TBC1D32: variants seen among roughly 807,000 people sequenced by gnomAD.
The protein encoded by TBC1D32 is protein broad-minded.
In TBC1D32, 151 loss-of-function variants were observed where a neutral mutation model predicts 170.3. The observed-to-expected ratio is 0.89, with a 90% confidence interval of 0.78 to 1.01. The LOEUF (loss-of-function observed/expected upper bound fraction) is 1.01. Among genes scored for constraint, TBC1D32 ranks in the 50% least tolerant of loss-of-function variants. The probability of loss-of-function intolerance (pLI) is 0.00; values close to 1 mark genes in which losing one functional copy is unlikely to be tolerated. For missense variants in TBC1D32, 1,464 were observed against 1,457.1 expected, an observed-to-expected ratio of 1.00 and a Z score of -0.08; for synonymous variants, 498 against 488.0, an observed-to-expected ratio of 1.02 and a Z score of -0.27.
At chr6:121,091,195 G>T (rs1300746279) in intron 30 of TBC1D32, among the ~76,000 whole-genome samples, 154 bp from the exon 31 acceptor site, 3 of 152,136 alleles carry the variant, frequency 2.0e-5, no homozygotes, top group Non-Finnish European at 4.4e-5. Context: ...TAAAAAGGAT[G>T]CTTCTCCTAT....
intron 21 of TBC1D32, among the ~76,000 whole-genome samples, chr6:121,222,016 A>AT (rs1415339117): frequency 2.6e-5 from 4 of 152,230 alleles, no homozygotes; most frequent in Admixed American, 2.6e-4. Context: ...CTGTTCTCTT[A>AT]TTTTCAGAAA....
chr6:121,210,573 C>T (rs1411179036), intron 21 of TBC1D32, among the ~76,000 whole-genome samples: 1 of 152,116 alleles, frequency 6.6e-6, no homozygotes, highest in African/African-American at 2.4e-5. Context: ...TCGAAAATGG[C>T]CCTCAAGATT....
At chr6:121,187,800 G>C (rs1789400867) in intron 22 of TBC1D32, among the ~76,000 whole-genome samples, 1 of 147,784 alleles carries the variant, frequency 6.8e-6, no homozygotes, top group African/African-American at 2.5e-5. Context: ...TGGAACAAAA[G>C]AATGTGATAA....
At chr6:121,225,285 G>T (rs1196513841) in intron 20 of TBC1D32, among the ~76,000 whole-genome samples, 1 of 151,818 alleles carries the variant, frequency 6.6e-6, no homozygotes, top group Non-Finnish European at 1.5e-5. Context: ...GAACACAGAT[G>T]AACCAAAAAA....
chr6:121,126,296 T>G (rs1048108873), intron 26 of TBC1D32, 82 bp downstream of exon 26: 1 of 1,013,430 alleles, frequency 9.9e-7, no homozygotes, highest in Admixed American at 2.3e-5. Flanking sequence ...AAACTGCCTA[T>G]CTGTAATATC....
Position 121,321,758 on chromosome 6 carries a change from G to C in TBC1D32, c.192C>G (p.Gly64=). The change falls in exon 2 of 32, where the codon GGC becomes GGG. Residue 64 remains glycine (G), a synonymous_variant. Transcript: ENST00000398212. The part of the protein sequence containing the change: ...EFVKYLRQHI[G]NTLGSMIEEE... ...CTTCAATCATAGAACCCAAAGTGTT[G>C]CCTATATGCTGCCTGAGGTATTTCA... 6.2e-7 allele frequency: 1 copy of C among 1,613,376 alleles called. No homozygotes were observed. Among genetic ancestry groups the C allele is most frequent in the East Asian group, 2.2e-5 (1 of 44,840 alleles).
At chr6:121,213,995 T>A (rs1410287035) in intron 21 of TBC1D32, among the ~76,000 whole-genome samples, 1 of 152,106 alleles carries the variant, frequency 6.6e-6, no homozygotes, top group Non-Finnish European at 1.5e-5. Flanking sequence ...CTTACAACTA[T>A]CTGATCATCA....
rs1187577317 is a variant in TBC1D32, at chr6:121,238,481, G to A, written c.2364+589C>T. On this transcript the variant is annotated intron_variant, in intron 20 of 31. Transcript: ENST00000398212. ...TTTAAGCAATCTTATGACATCTTTTGAATAAAAATTGTCTAAGCTACCATA... is the reference window on the plus strand; with the variant it reads ...TTTAAGCAATCTTATGACATCTTTTAAATAAAAATTGTCTAAGCTACCATA... Among the ~76,000 whole-genome samples, 9 of 152,044 alleles carry A rather than the reference G, an allele frequency of 5.9e-5. No homozygotes were observed. In the South Asian group the frequency reaches 1.7e-3, roughly 28 times the overall value.
At chr6:121,110,281 A>T (rs113227594) in intron 29 of TBC1D32, among the ~76,000 whole-genome samples, 37 of 149,430 alleles carry the variant, frequency 2.5e-4, no homozygotes, top group Middle Eastern at 3.5e-3. Flanking sequence ...TATATATATA[A>T]AAATATATAA....
intron 5 of TBC1D32, 132 bp from the exon 6 acceptor site, chr6:121,304,965 A>G (rs1807102655): frequency 1.2e-5 from 8 of 650,302 alleles, no homozygotes; most frequent in Non-Finnish European, 2.1e-5. Context: ...TAGAGTCAGA[A>G]TGTACTTATT....
intron 20 of TBC1D32, among the ~76,000 whole-genome samples, chr6:121,227,826 A>G (rs904684207): frequency 6.6e-6 from 1 of 152,124 alleles, no homozygotes; most frequent in Non-Finnish European, 1.5e-5. Flanking sequence ...TAAATTAGAA[A>G]TGGTTTCCTC....
intron 22 of TBC1D32, among the ~76,000 whole-genome samples, chr6:121,187,912 C>T (rs914528808): frequency 2.6e-5 from 4 of 152,054 alleles, no homozygotes; most frequent in Admixed American, 1.3e-4. Context: ...AATGTGAAAG[C>T]CTTGTAGTTA....
At chr6:121,179,494 C>T (rs996838163) in intron 22 of TBC1D32, among the ~76,000 whole-genome samples, 13 of 151,506 alleles carry the variant, frequency 8.6e-5, no homozygotes, top group South Asian at 4.2e-4. Flanking sequence ...TAATAATAGA[C>T]GATATAATAT....
chr6:121,268,032 G>A (rs1468723579), intron 15 of TBC1D32, among the ~76,000 whole-genome samples: 1 of 152,158 alleles, frequency 6.6e-6, no homozygotes, highest in Non-Finnish European at 1.5e-5. Context: ...CAACAGACCT[G>A]CACCGGAGGG....
At chr6:121,100,505 C>A (rs1777904240) in intron 30 of TBC1D32, among the ~76,000 whole-genome samples, 1 of 151,298 alleles carries the variant, frequency 6.6e-6, no homozygotes, top group South Asian at 2.1e-4. Flanking sequence ...TGAATTGATC[C>A]CTTTCAGAAA....
At chr6:121,269,806 T>C (rs545705731) in intron 15 of TBC1D32, among the ~76,000 whole-genome samples, 1 of 152,238 alleles carries the variant, frequency 6.6e-6, no homozygotes, top group African/African-American at 2.4e-5. Flanking sequence ...CAACAGAATA[T>C]ACATTCTTCT....
chr6:121,108,154 T>C (rs1052518086), intron 29 of TBC1D32, among the ~76,000 whole-genome samples: 2 of 152,112 alleles, frequency 1.3e-5, no homozygotes, highest in Admixed American at 1.3e-4. Context: ...AGCTCACTTA[T>C]ATAAAAAGTT....
chr6:121,281,270 G>A (rs1475334494), intron 14 of TBC1D32, among the ~76,000 whole-genome samples: 1 of 150,922 alleles, frequency 6.6e-6, no homozygotes, highest in Non-Finnish European at 1.5e-5. Context: ...CTTCTTAATA[G>A]AATAACTTTT....
rs1438190425 is a variant in TBC1D32, at chr6:121,168,709, TAATAA to T, written c.2571-7658_2571-7654del. ...CACATGTACCCTAAAACTTAGAGTA[TAATAA>T]AAAAAAAAAAAAAAAAAAAATCAAC... On this transcript the variant is annotated intron_variant, in intron 22 of 31. Coordinates refer to ENST00000398212, the MANE Select transcript of TBC1D32 (RefSeq NM_152730.6). 3.0e-4 allele frequency among the ~76,000 whole-genome samples: 3 copies of T among 9,946 alleles called. No individual in the cohort carries two copies. In the Admixed American group the frequency reaches 3.8e-3, roughly 13 times the overall value. The allele number at this position is 9,946 out of a possible 152,430, so 6.5% of individuals were successfully genotyped here.
Sources: gnomAD v4.1 joint callset for allele counts (sites outside exome capture counted in the v4.1 genomes callset) on GRCh38, gnomAD v4.1.1 for gene constraint, MANE v1.5 for transcripts, NCBI Gene and HGNC (gene_info 2026-07-23, HGNC 2026-07-21) for gene names.